The following MAP4K3 variants were observed in gnomAD, a reference collection of about 807,000 sequenced individuals.
MAP4K3 encodes the protein MAPK/ERK kinase kinase kinase 3.
MAP4K3 carries 94 observed loss-of-function variants against 143.5 expected under a neutral mutation model. The ratio of observed to expected loss-of-function variants is 0.65; its 90% CI spans 0.55 to 0.78. The LOEUF (loss-of-function observed/expected upper bound fraction) is 0.78, where lower values mean the gene tolerates loss of function less well. Ranked by LOEUF, MAP4K3 falls within the 30% of genes least tolerant of loss-of-function variation. The pLI, the probability that MAP4K3 is intolerant of heterozygous loss-of-function variation, is 0.00. For missense variants in MAP4K3, 1,077 were observed against 1,068.1 expected (o/e 1.01, Z -0.12); for synonymous variants, 416 against 347.2 (o/e 1.20, Z -2.20).
chr2:39,352,467 G>C (rs1665487895), intron 3 of MAP4K3, among the ~76,000 whole-genome samples: 1 of 152,100 alleles, frequency 6.6e-6, no homozygotes, highest in African/African-American at 2.4e-5. Flanking sequence ...AGAAGTAATA[G>C]TTAAGCTCCA....
chr2:39,336,840 A>C (rs1305730722), intron 6 of MAP4K3, 80 bp downstream of exon 6: 1 of 586,486 alleles, frequency 1.7e-6, no homozygotes, highest in Admixed American at 3.7e-5. Context: ...TTATCAAATA[A>C]AACAATTTTG....
chr2:39,253,378 C>T (rs139346999), intron 32 of MAP4K3, among the ~76,000 whole-genome samples: 35 of 152,274 alleles, frequency 2.3e-4, no homozygotes, highest in Admixed American at 1.4e-3. Flanking sequence ...GTGATCCGCC[C>T]GCCTCGGCCT....
At position 39,279,914 on chromosome 2, in the gene MAP4K3, C is replaced by G. The variant is rs182998753; in HGVS notation, c.1714+358G>C. Among the ~76,000 whole-genome samples the G allele has an allele frequency of 4.3e-3, 660 of 152,278 alleles. 4 individuals are homozygous for G. Among genetic ancestry groups the G allele is most frequent in the Middle Eastern group, 0.02 (6 of 294 alleles). ...GTTATAGTGAGCCATGATCATGCCA[C>G]TGTACTCTAGCCTGGGTGGCAGAGC... is the stretch of plus-strand genomic sequence containing the variant. On this transcript the variant is annotated intron_variant, in intron 23 of 33. Coordinates refer to ENST00000263881, the MANE Select transcript of MAP4K3 (RefSeq NM_003618.4).
intron 13 of MAP4K3, among the ~76,000 whole-genome samples, chr2:39,310,157 T>C (rs886456933): frequency 5.9e-5 from 9 of 152,210 alleles, no homozygotes; most frequent in Non-Finnish European, 1.2e-4. Context: ...CAATAAATGA[T>C]TGTTAATTTC....
chr2:39,347,121 T>C (rs1665315492), intron 3 of MAP4K3, among the ~76,000 whole-genome samples: 1 of 152,166 alleles, frequency 6.6e-6, no homozygotes, highest in African/African-American at 2.4e-5. Flanking sequence ...AATGGAGTTT[T>C]CCAGAGACTA....
chr2:39,387,264 A>G (rs1666530177), intron 1 of MAP4K3, among the ~76,000 whole-genome samples: 1 of 152,214 alleles, frequency 6.6e-6, no homozygotes, highest in African/African-American at 2.4e-5. Context: ...TTTAAAAAAA[A>G]AAATCTGCTG....
chr2:39,293,192 G>C, intron 17 of MAP4K3, 38 bp downstream of exon 17: 5 of 1,424,016 alleles, frequency 3.5e-6, no homozygotes, highest in Non-Finnish European at 4.8e-6. Flanking sequence ...TTACTTGTCT[G>C]TGACATAAAG....
chr2:39,391,680 T>C (rs1666664237), intron 1 of MAP4K3, among the ~76,000 whole-genome samples: 1 of 152,126 alleles, frequency 6.6e-6, no homozygotes, highest in African/African-American at 2.4e-5. Flanking sequence ...GAATGAGTAA[T>C]TAAAATCAGT....
chr2:39,412,121 T>C (rs373509634), intron 1 of MAP4K3, among the ~76,000 whole-genome samples: 2 of 152,220 alleles, frequency 1.3e-5, no homozygotes, highest in Non-Finnish European at 2.9e-5. Flanking sequence ...AAACACACTT[T>C]GGTAAACTGC....
intron 23 of MAP4K3, among the ~76,000 whole-genome samples, chr2:39,279,709 G>A (rs1460380592): frequency 2.0e-5 from 3 of 152,076 alleles, no homozygotes; most frequent in African/African-American, 7.2e-5. Context: ...CAGCACTTTG[G>A]GAGGCTGAGG....
At chr2:39,307,014 A>C (rs2148496215) in intron 15 of MAP4K3, among the ~76,000 whole-genome samples, 1 of 152,344 alleles carries the variant, frequency 6.6e-6, no homozygotes, top group South Asian at 2.1e-4. Context: ...AACCTCCCTA[A>C]AGAAGGGAAA....
intron 15 of MAP4K3, among the ~76,000 whole-genome samples, chr2:39,305,188 T>C (rs1009155141): frequency 6.6e-6 from 1 of 152,052 alleles, no homozygotes; most frequent in East Asian, 1.9e-4. Flanking sequence ...ACTGTAGACA[T>C]AAACATTAAA....
chr2:39,389,465 A>G (rs1456759477), intron 1 of MAP4K3, among the ~76,000 whole-genome samples: 3 of 152,186 alleles, frequency 2.0e-5, no homozygotes, highest in Non-Finnish European at 4.4e-5. Flanking sequence ...AGAGCAAATA[A>G]ACAAGAAATC....
At chr2:39,376,288 G>A (rs114421161) in intron 2 of MAP4K3, among the ~76,000 whole-genome samples, 3,532 of 152,190 alleles carry the variant, frequency 0.023, 143 homozygotes, top group Admixed American at 0.11. Context: ...AACTGGTGGC[G>A]GGGGGAAATG....
chr2:39,343,417 C>T lies in MAP4K3; in HGVS notation c.281G>A (p.Gly94Glu), dbSNP rs1420483608. The change falls in exon 4 of 34, where the codon GGA (glycine) becomes GAA (glutamate). Residue 94 changes from glycine (G) to glutamate (E), a missense_variant. Physicochemically the swap from Gly to Glu is moderately conservative, Grantham distance 98. Coordinates refer to ENST00000263881, the MANE Select transcript of MAP4K3 (RefSeq NM_003618.4). ...ATAAATATCCTGTAAAGAACCACCT[C>T]CACAAAACTCCATGCAAATCCAAAG... ...DKLWICMEFC[G>E]GGSLQDIYHV... 1 of 1,613,144 alleles carries T rather than the reference C, an allele frequency of 6.2e-7. No homozygotes were observed. Among genetic ancestry groups the T allele is most frequent in the South Asian group, 1.1e-5 (1 of 90,984 alleles).
intron 12 of MAP4K3, among the ~76,000 whole-genome samples, chr2:39,318,098 A>G (rs1683179525): frequency 6.6e-6 from 1 of 152,196 alleles, no homozygotes; most frequent in Non-Finnish European, 1.5e-5. Context: ...CTCTGCAGCA[A>G]CAAGGATGGA....
chr2:39,303,510 C>A (rs971143750), intron 15 of MAP4K3, among the ~76,000 whole-genome samples: 2 of 151,678 alleles, frequency 1.3e-5, no homozygotes, highest in African/African-American at 4.8e-5. Context: ...TATTTATGCC[C>A]CTACATAGTC....
intron 1 of MAP4K3, among the ~76,000 whole-genome samples, chr2:39,387,714 C>T (rs774664498): frequency 5.3e-5 from 8 of 152,138 alleles, no homozygotes; most frequent in Non-Finnish European, 8.8e-5. Flanking sequence ...AATTACAAGA[C>T]CATAAGAAAA....
intron 12 of MAP4K3, among the ~76,000 whole-genome samples, chr2:39,321,750 A>C (rs1442973519): frequency 1.3e-5 from 2 of 152,252 alleles, no homozygotes; most frequent in African/African-American, 4.8e-5. Flanking sequence ...TTAGGGCTGG[A>C]GGTGGGACAT....
Sources: gnomAD v4.1 joint callset for allele counts (sites outside exome capture counted in the v4.1 genomes callset) on GRCh38, gnomAD v4.1.1 for gene constraint, MANE v1.5 for transcripts, NCBI Gene and HGNC (gene_info 2026-07-23, HGNC 2026-07-21) for gene names.